Variants in PALM2AKAP2 observed in about 807,000 individuals in gnomAD.
The protein encoded by PALM2AKAP2 is PALM2 and AKAP2 fusion.
In PALM2AKAP2, 37 loss-of-function variants were observed where a neutral mutation model predicts 71.5. The observed-to-expected ratio is 0.52, with a 90% CI of 0.40 to 0.68. PALM2AKAP2 has a LOEUF of 0.68. Among genes scored for constraint, PALM2AKAP2 ranks in the 30% least tolerant of loss-of-function variants. The pLI is 0.00. For missense variants in PALM2AKAP2, 1,224 were observed against 1,191.8 expected, an observed-to-expected ratio of 1.03 and a Z score of -0.40; for synonymous variants, 468 against 478.8, an observed-to-expected ratio of 0.98 and a Z score of 0.29.
At chr9:109,676,837 T>C (rs1434027803) in intron 1 of PALM2AKAP2, among the ~76,000 whole-genome samples, 1 of 152,170 alleles carries the variant, frequency 6.6e-6, no homozygotes, top group African/African-American at 2.4e-5. Context: ...TCAGATTAAG[T>C]AGGTATGTAA....
chr9:109,971,935 C>G (rs1832077398), intron 6 of PALM2AKAP2, among the ~76,000 whole-genome samples: 1 of 152,170 alleles, frequency 6.6e-6, no homozygotes, highest in Non-Finnish European at 1.5e-5. Context: ...CTCATTCTAC[C>G]AAGCCAGGCT....
chr9:109,651,323 C>T (rs1188720459), intron 1 of PALM2AKAP2, among the ~76,000 whole-genome samples: 2 of 152,238 alleles, frequency 1.3e-5, no homozygotes, highest in East Asian at 3.8e-4. Flanking sequence ...GCTACAGCTA[C>T]AGCTCTCTCC....
At chr9:109,868,004 T>G (rs1392631030) in intron 2 of PALM2AKAP2, among the ~76,000 whole-genome samples, 1 of 152,184 alleles carries the variant, frequency 6.6e-6, no homozygotes, top group Non-Finnish European at 1.5e-5. Flanking sequence ...TTTCTTGATA[T>G]GGAGAAAAGG....
chr9:109,699,371 A>G (rs955801089), intron 1 of PALM2AKAP2, among the ~76,000 whole-genome samples: 4 of 152,246 alleles, frequency 2.6e-5, no homozygotes, highest in African/African-American at 9.6e-5. Context: ...CATTGGAGTC[A>G]TAATTCCACT....
intron 1 of PALM2AKAP2, among the ~76,000 whole-genome samples, chr9:109,655,558 T>C (rs545960571): frequency 1.3e-5 from 2 of 152,124 alleles, no homozygotes; most frequent in Admixed American, 1.3e-4. Flanking sequence ...TTTTTCATCA[T>C]CCCAGACTGA....
At chr9:109,871,627 T>C (rs969872309) in intron 2 of PALM2AKAP2, among the ~76,000 whole-genome samples, 2 of 152,180 alleles carry the variant, frequency 1.3e-5, no homozygotes, top group African/African-American at 4.8e-5. Context: ...TTCCCCGATA[T>C]ATTTCTGTAG....
intron 1 of PALM2AKAP2, among the ~76,000 whole-genome samples, chr9:109,774,048 G>T (rs1039693099): frequency 6.6e-5 from 10 of 152,188 alleles, no homozygotes; most frequent in Non-Finnish European, 4.4e-5. Flanking sequence ...TCCCTCCACT[G>T]CCAACCCCGC....
intron 1 of PALM2AKAP2, among the ~76,000 whole-genome samples, chr9:109,714,027 T>G (rs533049090): frequency 6.2e-4 from 94 of 152,348 alleles, no homozygotes; most frequent in Non-Finnish European, 1.1e-3. Context: ...TTTGTAAGCC[T>G]AATACTGCAG....
intron 1 of PALM2AKAP2, among the ~76,000 whole-genome samples, chr9:109,819,660 A>AACACACACACCCAGGGGTTTGG (rs1554717203): frequency 1.1e-4 from 16 of 151,558 alleles, no homozygotes; most frequent in Non-Finnish European, 1.8e-4. Flanking sequence ...CAAGGGTTTG[A>AACACACACACCCAGGGGTTTGG]ACACACACAC....
chr9:109,821,648 G>A (rs1828009212), intron 1 of PALM2AKAP2, among the ~76,000 whole-genome samples: 1 of 152,168 alleles, frequency 6.6e-6, no homozygotes, highest in African/African-American at 2.4e-5. Context: ...ATGGATGGAG[G>A]GTGTTAATAG....
chr9:109,650,987 G>T (rs1277677274), intron 1 of PALM2AKAP2, among the ~76,000 whole-genome samples: 1 of 152,102 alleles, frequency 6.6e-6, no homozygotes, highest in Non-Finnish European at 1.5e-5. Flanking sequence ...TAAATACTTT[G>T]CAGTAGAAGT....
intron 3 of PALM2AKAP2, among the ~76,000 whole-genome samples, chr9:109,885,444 T>C (rs1479974346): frequency 6.6e-6 from 1 of 152,210 alleles, no homozygotes; most frequent in Non-Finnish European, 1.5e-5. Context: ...AGGAGTCCTG[T>C]AATCTGTTTT....
At chr9:109,714,911 G>A (rs970464030) in intron 1 of PALM2AKAP2, among the ~76,000 whole-genome samples, 2 of 152,126 alleles carry the variant, frequency 1.3e-5, no homozygotes, top group Non-Finnish European at 2.9e-5. Context: ...CCATGGGATG[G>A]GCTGCCCCTG....
intron 6 of PALM2AKAP2, among the ~76,000 whole-genome samples, chr9:109,990,205 G>A (rs1832452496): frequency 7.1e-6 from 1 of 141,398 alleles, no homozygotes; most frequent in Non-Finnish European, 1.6e-5. Flanking sequence ...CCACGTAACT[G>A]GGGTTATAGA....
intron 6 of PALM2AKAP2, chr9:109,943,575 T>C: frequency 1.7e-6 from 2 of 1,150,016 alleles, no homozygotes; most frequent in Admixed American, 4.7e-5. Context: ...TCATTTTTTT[T>C]CCTTTTCCTC....
At chr9:109,694,966 T>C (rs983973081) in intron 1 of PALM2AKAP2, among the ~76,000 whole-genome samples, 3 of 152,124 alleles carry the variant, frequency 2.0e-5, no homozygotes, top group Admixed American at 2.0e-4. Context: ...ACAAGTGAGA[T>C]GTCACCTGGA....
At chr9:110,022,577 TTTATTTTATTA>T (rs1300524358) in intron 7 of PALM2AKAP2, among the ~76,000 whole-genome samples, 1 of 149,610 alleles carries the variant, frequency 6.7e-6, no homozygotes, top group African/African-American at 2.5e-5. Context: ...TTTATTTTAT[TTTATTTTATTA>T]TTATTATACT....
Position 109,668,127 on chromosome 9 carries a change from G to A in PALM2AKAP2, c.5+27261G>A, listed in dbSNP as rs1249631934. ...AATTTTTTGTATTTTTAGTAGAGAC[G>A]GGGTTTCACCGTTTTAGCCGGGATG... On this transcript the variant is annotated intron_variant, in intron 1 of 6. Coordinates refer to the PALM2AKAP2 transcript ENST00000374531. 2.7e-4 allele frequency among the ~76,000 whole-genome samples: 10 copies of A among 36,876 alleles called. 4 individuals are homozygous for A. The highest frequency in any genetic ancestry group is 1.7e-3 in the African/African-American group (7 of 4,126). 24.2% of individuals were successfully genotyped at this position (36,876 alleles called of 152,430 possible).
At chr9:110,047,938 C>T (rs984631635), upstream of PALM2AKAP2, among the ~76,000 whole-genome samples, 13 of 152,154 alleles carry the variant, frequency 8.5e-5, no homozygotes, top group Admixed American at 8.5e-4. Context: ...CTAATACAGC[C>T]CCAGTCTGCG....
Sources: gnomAD v4.1 joint callset for allele counts (sites outside exome capture counted in the v4.1 genomes callset) on GRCh38, gnomAD v4.1.1 for gene constraint, MANE v1.5 for transcripts, NCBI Gene and HGNC (gene_info 2026-07-23, HGNC 2026-07-21) for gene names.